Variants in INSYN2B observed in about 807,000 individuals in gnomAD.
INSYN2B encodes the protein protein INSYN2B.
INSYN2B carries 16 observed loss-of-function variants against 41.2 expected under a neutral mutation model. The observed-to-expected ratio is 0.39, with a 90% confidence interval of 0.26 to 0.59. The LOEUF (loss-of-function observed/expected upper bound fraction) is 0.59. Ranked by LOEUF, INSYN2B falls within the 20% of genes least tolerant of loss-of-function variation. The pLI is 0.57. For synonymous variants in INSYN2B, 245 were observed against 244.4 expected (o/e 1.00, Z -0.02); for missense variants, 608 against 646.4 (o/e 0.94, Z 0.64).
rs994943282 is a variant in INSYN2B, at chr5:169,883,938, T to C, written c.-40A>G. 4 of 1,445,498 alleles carry C rather than the reference T, an allele frequency of 2.8e-6. No homozygotes were observed. The highest frequency in any genetic ancestry group is 3.7e-6 in the Non-Finnish European group (4 of 1,094,704). 89.5% of individuals were successfully genotyped at this position (1,445,498 alleles called of 1,614,324 possible). A position where few individuals can be genotyped will look rare whatever the true frequency, so the allele number is the denominator to read the frequency against. ...AAGGATCAGGACCATACACTTCTCC[T>C]AGGCACATCTCCCCTTAGGTCTTTG... is the stretch of plus-strand genomic sequence containing the variant. On this transcript the variant is annotated 5_prime_UTR_variant, in exon 2 of 4. Transcript: ENST00000377365.
intron 1 of INSYN2B, among the ~76,000 whole-genome samples, chr5:169,949,332 G>A (rs1056462077): frequency 1.3e-5 from 2 of 152,128 alleles, no homozygotes. Flanking sequence ...TGTAAATAGA[G>A]GCACCTGGGA....
chr5:169,864,361 T>G lies in INSYN2B; in HGVS notation c.1520A>C (p.Lys507Thr). 1 of 1,551,606 alleles carries G rather than the reference T, an allele frequency of 6.4e-7. No individual in the cohort carries two copies. Among genetic ancestry groups the G allele is most frequent in the Non-Finnish European group, 8.7e-7 (1 of 1,146,920 alleles). ...EPVEEASPPP[K>T]SPAEPPAPEK... Reference sequence around the variant, plus strand: ...CGGGGCTGGGGGTTCTGCTGGGGACTTTGGTGGGGGCGATGCCTCCTCAAC... The same window carrying G: ...CGGGGCTGGGGGTTCTGCTGGGGACGTTGGTGGGGGCGATGCCTCCTCAAC... The change falls in exon 4 of 4, where the codon AAG becomes ACG. Residue 507 changes from lysine to threonine, a missense_variant. Transcript: ENST00000377365.
At chr5:169,965,333 C>T (rs1361688152) in intron 1 of INSYN2B, among the ~76,000 whole-genome samples, 1 of 152,224 alleles carries the variant, frequency 6.6e-6, no homozygotes, top group South Asian at 2.1e-4. Context: ...GATGCTAATG[C>T]TGCTGGTCCA....
At chr5:169,957,218 T>G (rs1381560549) in intron 1 of INSYN2B, among the ~76,000 whole-genome samples, 1 of 152,208 alleles carries the variant, frequency 6.6e-6, no homozygotes. Context: ...AATGAATTAA[T>G]TAAAATGGAC....
At chr5:169,954,896 G>C (rs1303616582) in intron 1 of INSYN2B, among the ~76,000 whole-genome samples, 3 of 152,230 alleles carry the variant, frequency 2.0e-5, no homozygotes, top group African/African-American at 7.2e-5. Context: ...AGCCAGGGGA[G>C]CGTGGGTGAA....
chr5:169,954,459 G>A (rs1209202714), intron 1 of INSYN2B, among the ~76,000 whole-genome samples: 1 of 152,216 alleles, frequency 6.6e-6, no homozygotes, highest in South Asian at 2.1e-4. Context: ...CAGACCTCAG[G>A]TAAGGCAATA....
chr5:169,930,270 T>C (rs1775683418), intron 1 of INSYN2B, among the ~76,000 whole-genome samples: 1 of 152,144 alleles, frequency 6.6e-6, no homozygotes, highest in Non-Finnish European at 1.5e-5. Context: ...GATTACAGGC[T>C]TGAGCCACCG....
intron 1 of INSYN2B, among the ~76,000 whole-genome samples, chr5:169,959,995 G>A (rs1168927996): frequency 6.6e-6 from 1 of 152,246 alleles, no homozygotes; most frequent in African/African-American, 2.4e-5. Flanking sequence ...ATTCGACCAT[G>A]TAAAGCTAGA....
chr5:169,876,957 G>A (rs1483161779), intron 3 of INSYN2B, among the ~76,000 whole-genome samples: 1 of 152,204 alleles, frequency 6.6e-6, no homozygotes, highest in Non-Finnish European at 1.5e-5. Flanking sequence ...GCCATTTGCT[G>A]AAGGAAAGAA....
At chr5:169,892,335 T>A (rs146819111) in intron 1 of INSYN2B, among the ~76,000 whole-genome samples, 2 of 152,310 alleles carry the variant, frequency 1.3e-5, no homozygotes, top group East Asian at 3.9e-4. Flanking sequence ...CTGGTGTGTA[T>A]CCCCTACACC....
At chr5:169,892,005 A>G (rs561198186) in intron 1 of INSYN2B, among the ~76,000 whole-genome samples, 1 of 151,350 alleles carries the variant, frequency 6.6e-6, no homozygotes, top group South Asian at 2.1e-4. Flanking sequence ...CAAAAAAAAA[A>G]AAAAAAAGAA....
intron 1 of INSYN2B, among the ~76,000 whole-genome samples, chr5:169,885,376 A>G (rs2113518424): frequency 6.6e-6 from 1 of 152,298 alleles, no homozygotes; most frequent in African/African-American, 2.4e-5. Flanking sequence ...TGGTTGGATG[A>G]AGGGCAGGTC....
chr5:169,945,979 T>TGGTGCAACACCCC (rs1345782218), intron 1 of INSYN2B, among the ~76,000 whole-genome samples: 43 of 152,290 alleles, frequency 2.8e-4, no homozygotes, highest in Non-Finnish European at 4.4e-4. Context: ...GCTCCAGCCC[T>TGGTGCAACACCCC]GGTGCAACAC....
intron 1 of INSYN2B, among the ~76,000 whole-genome samples, chr5:169,943,746 C>T (rs917521849): frequency 2.0e-5 from 3 of 152,158 alleles, no homozygotes; most frequent in African/African-American, 7.2e-5. Flanking sequence ...TTCTCAGGCC[C>T]TTCCCAGGCC....
Position 169,970,433 on chromosome 5 carries a change from C to T in INSYN2B, c.-919+9844G>A, listed in dbSNP as rs1455003174. Among the ~76,000 whole-genome samples, 5 of 152,194 alleles carry T rather than the reference C, an allele frequency of 3.3e-5. No individual in the cohort carries two copies. The East Asian group carries it at 9.6e-4, about 29-fold the overall frequency. On this transcript the variant is annotated intron_variant, in intron 1 of 3. Transcript: ENST00000377365. ...AAATAAGGCTGGGAAAGAACAATCA[C>T]TTTGTTTGTAGGAAACTTGGAAGGT...
intron 1 of INSYN2B, among the ~76,000 whole-genome samples, chr5:169,904,018 G>A (rs1448869037): frequency 6.6e-6 from 1 of 151,268 alleles, no homozygotes; most frequent in Non-Finnish European, 1.5e-5. Context: ...GCTTGAGCCT[G>A]GGAGGCAGAG....
chr5:169,963,369 G>A (rs1777168547), intron 1 of INSYN2B, among the ~76,000 whole-genome samples: 1 of 152,058 alleles, frequency 6.6e-6, no homozygotes, highest in Non-Finnish European at 1.5e-5. Flanking sequence ...CTTTGATTAG[G>A]CCTCCATCCC....
intron 1 of INSYN2B, among the ~76,000 whole-genome samples, chr5:169,956,094 G>T (rs1776855581): frequency 6.6e-6 from 1 of 151,528 alleles, no homozygotes; most frequent in African/African-American, 2.4e-5. Context: ...TATCTTCCTG[G>T]CTTTGCCACA....
chr5:169,867,563 A>G (rs988156240), intron 3 of INSYN2B, among the ~76,000 whole-genome samples: 1 of 151,782 alleles, frequency 6.6e-6, no homozygotes, highest in Non-Finnish European at 1.5e-5. Flanking sequence ...ATCAGTATCT[A>G]TTATCTATCA....
Sources: allele counts gnomAD v4.1 joint callset (sites outside exome capture counted in the v4.1 genomes callset), GRCh38; gene constraint gnomAD v4.1.1; transcripts MANE v1.5; gene names NCBI Gene and HGNC (gene_info 2026-07-23, HGNC 2026-07-21).